BAIAP2L1: variants seen among roughly 807,000 people sequenced by gnomAD.
BAIAP2L1 encodes BAR/IMD domain containing adaptor protein 2 like 1.
Under a neutral mutation model 66.3 loss-of-function variants are expected in BAIAP2L1, and 35 were observed. The ratio of observed to expected loss-of-function variants is 0.53; its 90% confidence interval spans 0.40 to 0.70. The LOEUF (loss-of-function observed/expected upper bound fraction) is 0.70, where lower values mean the gene tolerates loss of function less well. BAIAP2L1 is among the 30% of genes least tolerant of loss of function. The pLI is 0.00. For synonymous variants in BAIAP2L1, 269 were observed against 248.7 expected (o/e 1.08, Z -0.77); for missense variants, 622 against 656.9 (o/e 0.95, Z 0.58).
chr7:98,349,222 C>T (rs1237328454), intron 3 of BAIAP2L1, among the ~76,000 whole-genome samples: 1 of 152,208 alleles, frequency 6.6e-6, no homozygotes, highest in Non-Finnish European at 1.5e-5. Context: ...AGGAAAAACA[C>T]TGCACTCTGC....
chr7:98,397,472 G>A (rs552472744), intron 1 of BAIAP2L1, among the ~76,000 whole-genome samples: 16 of 151,770 alleles, frequency 1.1e-4, no homozygotes, highest in Admixed American at 4.6e-4. Context: ...CTACAGGCAC[G>A]CGCCACCACA....
chr7:98,321,519 G>A (rs1009485044), intron 3 of BAIAP2L1, among the ~76,000 whole-genome samples: 11 of 152,090 alleles, frequency 7.2e-5, no homozygotes, highest in African/African-American at 2.7e-4. Context: ...CCTCACCGCC[G>A]AGGGCAGCAA....
At chr7:98,355,324 C>T in intron 2 of BAIAP2L1, 196 bp from the exon 3 acceptor site, 1 of 589,892 alleles carries the variant, frequency 1.7e-6, no homozygotes, top group Non-Finnish European at 3.1e-6. Flanking sequence ...GGGACAGCCC[C>T]ATGAGATCCT....
Position 98,292,127 on chromosome 7 carries a change from G to A in BAIAP2L1, c.*1394C>T, listed in dbSNP as rs1044474086. On this transcript the variant is annotated 3_prime_UTR_variant, in exon 14 of 14. Transcript: ENST00000005260. The stretch of plus-strand genomic sequence containing the variant: ...TGGACCTGGCTGGAAGGAGCCTGAA[G>A]CATCGGCCACGTCCACTGGCTTACC... 1.9e-5 allele frequency: 3 copies of A among 155,580 alleles called. No homozygotes were observed. The highest frequency in any genetic ancestry group is 4.8e-5 in the African/African-American group (2 of 41,484). 9.6% of individuals were successfully genotyped at this position (155,580 alleles called of 1,614,324 possible). A position where few individuals can be genotyped will look rare whatever the true frequency, so the allele number is the denominator to read the frequency against.
chr7:98,371,787 C>G (rs1231151992), intron 1 of BAIAP2L1, among the ~76,000 whole-genome samples: 1 of 150,084 alleles, frequency 6.7e-6, no homozygotes, highest in East Asian at 2.0e-4. Context: ...ATTAGTTTCT[C>G]TTTTAGTTTC....
At chr7:98,326,051 G>C (rs188936471) in intron 3 of BAIAP2L1, among the ~76,000 whole-genome samples, 11 of 152,332 alleles carry the variant, frequency 7.2e-5, no homozygotes, top group Non-Finnish European at 1.6e-4. Flanking sequence ...AGTTTTGGGA[G>C]GCCAAGGCAA....
chr7:98,392,028 G>A (rs1803057095), intron 1 of BAIAP2L1, among the ~76,000 whole-genome samples: 1 of 151,972 alleles, frequency 6.6e-6, no homozygotes, highest in Non-Finnish European at 1.5e-5. Context: ...TAAAAAGGAA[G>A]TGGTTTTAAA....
intron 3 of BAIAP2L1, among the ~76,000 whole-genome samples, chr7:98,346,828 T>G (rs1036492961): frequency 1.3e-5 from 2 of 152,032 alleles, no homozygotes; most frequent in Non-Finnish European, 1.5e-5. Flanking sequence ...CAAACGTAGA[T>G]GGAATTAGAG....
rs529067096 is a variant in BAIAP2L1 at position 98,400,661 on chromosome 7, G to A, written c.51+141C>T. 13 of 937,306 alleles carry A rather than the reference G, an allele frequency of 1.4e-5. No individual in the cohort carries two copies. In the Admixed American group the frequency reaches 2.2e-4, roughly 16 times the overall value. The allele number at this position is 937,306 out of a possible 1,614,324, so 58.1% of individuals were successfully genotyped here. On this transcript the variant is annotated intron_variant, in intron 1 of 13. Coordinates refer to ENST00000005260, the MANE Select transcript of BAIAP2L1 (RefSeq NM_018842.5). ...AGAGGGGCTGTGGAGGGCCAGGGGA[G>A]GAGTGGGAGAGACCGGGAGAGGTGG...
At chr7:98,348,467 T>C (rs1042634807) in intron 3 of BAIAP2L1, among the ~76,000 whole-genome samples, 9 of 150,060 alleles carry the variant, frequency 6.0e-5, no homozygotes, top group Non-Finnish European at 2.9e-5. Context: ...CTCAGGAGGA[T>C]GCATCACGAG....
intron 11 of BAIAP2L1, 34 bp from the exon 12 acceptor site, chr7:98,304,410 TA>T (rs751623152): frequency 6.2e-7 from 1 of 1,608,932 alleles, no homozygotes; most frequent in Non-Finnish European, 8.5e-7. Context: ...ACGTGTTAGA[TA>T]ATGTCTCACC....
At position 98,317,261 on chromosome 7, in the gene BAIAP2L1, T is replaced by G. The variant is rs199701552; in HGVS notation, c.444A>C (p.Gln148His). Reference sequence around the variant, plus strand: ...CATATTTGAGTGCGTTTCGGCTTCCTTGGCTTTTCCTTCTGATCTTCTTCA... The same window carrying G: ...CATATTTGAGTGCGTTTCGGCTTCCGTGGCTTTTCCTTCTGATCTTCTTCA... The part of the protein sequence containing the change: ...AELKKIRRKS[Q>H]GSRNALKYEH... Residue 148 changes from glutamine to histidine, a missense_variant, in exon 6 of 14, where the codon CAA becomes CAC. Physicochemically the swap from Gln to His is conservative, Grantham distance 24. Coordinates refer to ENST00000005260, the MANE Select transcript of BAIAP2L1 (RefSeq NM_018842.5). The G allele has an allele frequency of 4.2e-5, 67 of 1,614,256 alleles. No homozygotes were observed. The highest frequency in any genetic ancestry group is 4.1e-4 in the African/African-American group (31 of 75,078).
At chr7:98,348,425 G>C (rs1801923379) in intron 3 of BAIAP2L1, among the ~76,000 whole-genome samples, 1 of 151,760 alleles carries the variant, frequency 6.6e-6, no homozygotes, top group Admixed American at 6.6e-5. Context: ...AACTTAGCCG[G>C]GCATGGTGGT....
At chr7:98,351,422 C>T (rs920024860) in intron 3 of BAIAP2L1, among the ~76,000 whole-genome samples, 9 of 152,166 alleles carry the variant, frequency 5.9e-5, no homozygotes, top group African/African-American at 2.2e-4. Context: ...TTCCTTGGCT[C>T]ATGCCTGGGG....
At chr7:98,301,190 G>A (rs1252966931) in intron 12 of BAIAP2L1, among the ~76,000 whole-genome samples, 3 of 152,128 alleles carry the variant, frequency 2.0e-5, no homozygotes, top group South Asian at 2.1e-4. Flanking sequence ...AGAGGTCTGC[G>A]GCCCAGGAAA....
intron 1 of BAIAP2L1, among the ~76,000 whole-genome samples, chr7:98,388,637 A>G (rs1004237864): frequency 1.3e-5 from 2 of 152,254 alleles, no homozygotes; most frequent in Non-Finnish European, 2.9e-5. Context: ...AAAGTGTAAC[A>G]TAAGCCCATG....
At chr7:98,388,441 CGA>C (rs1028135084) in intron 1 of BAIAP2L1, among the ~76,000 whole-genome samples, 6 of 152,050 alleles carry the variant, frequency 3.9e-5, no homozygotes, top group African/African-American at 1.2e-4. Context: ...TGCAGTGAGC[CGA>C]GATCGCACCA....
chr7:98,328,158 G>A (rs1801413793), intron 3 of BAIAP2L1, among the ~76,000 whole-genome samples: 1 of 152,052 alleles, frequency 6.6e-6, no homozygotes, highest in Non-Finnish European at 1.5e-5. Context: ...TGACCTCTGA[G>A]TAATAGAATA....
At chr7:98,317,656 C>A (rs1303712607) in intron 5 of BAIAP2L1, among the ~76,000 whole-genome samples, 8 of 151,402 alleles carry the variant, frequency 5.3e-5, no homozygotes, top group Admixed American at 3.9e-4. Context: ...CATCCACACA[C>A]TGGCTGGGAC....
Sources: gnomAD v4.1 joint callset for allele counts (sites outside exome capture counted in the v4.1 genomes callset) on GRCh38, gnomAD v4.1.1 for gene constraint, MANE v1.5 for transcripts, NCBI Gene and HGNC (gene_info 2026-07-23, HGNC 2026-07-21) for gene names.